ZNF555: variants seen among roughly 807,000 people sequenced by gnomAD.
ZNF555 encodes zinc finger protein 555.
Under a neutral mutation model 14.0 loss-of-function variants are expected in ZNF555, and 10 were observed. The observed-to-expected ratio is 0.72, with a 90% confidence interval of 0.44 to 1.21. ZNF555 has a LOEUF of 1.21. ZNF555 is among the 50% of genes most tolerant of loss of function. The pLI is 0.00. For missense variants in ZNF555, 747 were observed against 762.0 expected, an observed-to-expected ratio of 0.98 and a Z score of 0.23; for synonymous variants, 277 against 262.4, an observed-to-expected ratio of 1.06 and a Z score of -0.54.
Position 2,846,493 on chromosome 19 carries a change from C to G in ZNF555, c.4-4094C>G, listed in dbSNP as rs114929442. Among the ~76,000 whole-genome samples the G allele has an allele frequency of 9.5e-3, 1,441 of 152,334 alleles. 26 individuals are homozygous for G. Among genetic ancestry groups the G allele is most frequent in the African/African-American group, 0.032 (1,342 of 41,562 alleles). On this transcript the variant is annotated intron_variant, in intron 1 of 3. Transcript: ENST00000334241. Reference sequence around the variant, plus strand: ...AGTTCAGGGCCTTACCCGGGAGTGTCTAACTCTGCAGTGTTTCCTGAATTA... The same window carrying G: ...AGTTCAGGGCCTTACCCGGGAGTGTGTAACTCTGCAGTGTTTCCTGAATTA...
intron 1 of ZNF555, 33 bp downstream of exon 1, chr19:2,841,608 G>GTTT: frequency 6.6e-7 from 1 of 1,503,978 alleles, no homozygotes; most frequent in Non-Finnish European, 8.9e-7. Context: ...TCCCGGTGCG[G>GTTT]GGCAGCAGGA....
chr19:2,846,083 G>A (rs533231185), intron 1 of ZNF555, among the ~76,000 whole-genome samples: 8 of 152,310 alleles, frequency 5.3e-5, no homozygotes, highest in African/African-American at 1.9e-4. Flanking sequence ...CCTGTCCTAG[G>A]GTTCTCAGTG....
In ZNF555 at chr19:2,859,608, C is replaced by T. The variant is rs2087714799; in HGVS notation, c.*5656C>T. ...CTCAGTCTTAGAATATGAGCCGTGT[C>T]AGGGGCTACAGCATCATCACTCTTG... On this transcript the variant is annotated 3_prime_UTR_variant, in exon 4 of 4. Transcript: ENST00000334241. 1 of 152,192 alleles carries T rather than the reference C, an allele frequency of 6.6e-6. No homozygotes were observed. Among genetic ancestry groups the T allele is most frequent in the Non-Finnish European group, 1.5e-5 (1 of 68,092 alleles). 9.4% of individuals were successfully genotyped at this position (152,192 alleles called of 1,614,324 possible). A position where few individuals can be genotyped will look rare whatever the true frequency, so the allele number is the denominator to read the frequency against.
At chr19:2,846,783 C>T (rs778159473) in intron 1 of ZNF555, among the ~76,000 whole-genome samples, 2 of 152,132 alleles carry the variant, frequency 1.3e-5, no homozygotes, top group Non-Finnish European at 2.9e-5. Flanking sequence ...CTTTTGGTCT[C>T]GTGAATCTTA....
Position 2,852,968 on chromosome 19 carries a change from A to G in ZNF555, c.903A>G (p.Arg301=), listed in dbSNP as rs769049455. The stretch of plus-strand genomic sequence containing the variant: ...TTAGTTATTCCTCAACTTTTCGAAG[A>G]CATATGATTTCACACACTGGAGAGA... ...EAFSYSSTFR[R]HMISHTGEKP... Residue 301 remains arginine, a synonymous_variant, in exon 4 of 4, where the codon AGA becomes AGG. Coordinates refer to ENST00000334241, the MANE Select transcript of ZNF555 (RefSeq NM_152791.5). 4 of 1,614,242 alleles carry G rather than the reference A, an allele frequency of 2.5e-6. No homozygotes were observed. Among genetic ancestry groups the G allele is most frequent in the South Asian group, 1.1e-5 (1 of 91,084 alleles).
chr19:2,851,875 G>A (rs140501578), intron 3 of ZNF555, among the ~76,000 whole-genome samples: 1 of 152,214 alleles, frequency 6.6e-6, no homozygotes, highest in East Asian at 1.9e-4. Flanking sequence ...CCTAGGCCAG[G>A]TACGGTGGCT....
chr19:2,842,277 A>G (rs754657334), intron 1 of ZNF555, among the ~76,000 whole-genome samples: 16 of 152,172 alleles, frequency 1.1e-4, no homozygotes, highest in Non-Finnish European at 2.4e-4. Context: ...TCTGACCCCA[A>G]GATGCCTGGG....
At chr19:2,848,009 C>A (rs1244950429) in intron 1 of ZNF555, among the ~76,000 whole-genome samples, 2 of 152,158 alleles carry the variant, frequency 1.3e-5, no homozygotes, top group African/African-American at 2.4e-5. Flanking sequence ...TGTGCTCCAG[C>A]CTTGGTAATT....
rs180799922 is a variant in ZNF555 at position 2,857,821 on chromosome 19, G to C, written c.*3869G>C. On this transcript the variant is annotated 3_prime_UTR_variant, in exon 4 of 4. Coordinates refer to ENST00000334241, the MANE Select transcript of ZNF555 (RefSeq NM_152791.5). The stretch of plus-strand genomic sequence containing the variant: ...TCATGCACTGCACTCTACACTGGGC[G>C]ACAGAGCAAGACCCTGTCTCAAAAA... 1 of 152,060 alleles carries C rather than the reference G, an allele frequency of 6.6e-6. No homozygotes were observed. Among genetic ancestry groups the C allele is most frequent in the Non-Finnish European group, 1.5e-5 (1 of 68,062 alleles). 9.4% of individuals were successfully genotyped at this position (152,060 alleles called of 1,614,324 possible). A position where few individuals can be genotyped will look rare whatever the true frequency, so the allele number is the denominator to read the frequency against.
At chr19:2,848,968 A>G (rs2087605381) in intron 1 of ZNF555, among the ~76,000 whole-genome samples, 2 of 152,324 alleles carry the variant, frequency 1.3e-5, no homozygotes, top group African/African-American at 2.4e-5. Flanking sequence ...GATAGAGTCT[A>G]AGGCCCGCAA....
intron 1 of ZNF555, among the ~76,000 whole-genome samples, chr19:2,846,619 G>A (rs1335517790): frequency 6.6e-6 from 1 of 152,220 alleles, no homozygotes; most frequent in Non-Finnish European, 1.5e-5. Context: ...GGCAGTGTCA[G>A]GTTTTAGCTT....
rs2087656593 is a variant in ZNF555, at chr19:2,853,560, A to G, written c.1495A>G (p.Met499Val). The change falls in exon 4 of 4, where the codon ATG becomes GTG. Residue 499 changes from methionine to valine, a missense_variant. Transcript: ENST00000334241. ...FYCHISLQKH[M>V]RRHTAEKLYK... ...TTGCCACATATCCTTACAAAAACAT[A>G]TGAGAAGACATACCGCAGAGAAACT... 3.7e-6 allele frequency: 6 copies of G among 1,610,838 alleles called. No individual in the cohort carries two copies. Among genetic ancestry groups the G allele is most frequent in the Non-Finnish European group, 5.1e-6 (6 of 1,177,680 alleles).
Position 2,857,412 on chromosome 19 carries a change from T to C in ZNF555, c.*3460T>C, listed in dbSNP as rs1301927872. The C allele has an allele frequency of 6.6e-6, 1 of 152,212 alleles. No homozygotes were observed. The allele number at this position is 152,212 out of a possible 1,614,324, so 9.4% of individuals were successfully genotyped here. A position where few individuals can be genotyped will look rare whatever the true frequency, so the allele number is the denominator to read the frequency against. ...TTAGAACACTGGAAAGCAAGTATAATTAATTTTACAAATAGGGCATCAAAT... is the reference window on the plus strand; with the variant it reads ...TTAGAACACTGGAAAGCAAGTATAACTAATTTTACAAATAGGGCATCAAAT... On this transcript the variant is annotated 3_prime_UTR_variant, in exon 4 of 4. Transcript: ENST00000334241.
chr19:2,841,487 A>G lies in ZNF555; in HGVS notation c.-86A>G. On this transcript the variant is annotated 5_prime_UTR_variant, in exon 1 of 4. Coordinates refer to ENST00000334241, the MANE Select transcript of ZNF555 (RefSeq NM_152791.5). Reference sequence around the variant, plus strand: ...ACGGGACGCCTCTGTCCTAGCCGTGAGTGCCCCGCCTGCCCCTAGCGGTCC... The same window carrying G: ...ACGGGACGCCTCTGTCCTAGCCGTGGGTGCCCCGCCTGCCCCTAGCGGTCC... 1.3e-6 allele frequency: 2 copies of G among 1,538,892 alleles called. No individual in the cohort carries two copies. Among genetic ancestry groups the G allele is most frequent in the Non-Finnish European group, 1.8e-6 (2 of 1,139,628 alleles).
At position 2,852,788 on chromosome 19, in the gene ZNF555, A is replaced by G. The variant is rs772415510; in HGVS notation, c.723A>G (p.Ser241=). 1 of 1,614,162 alleles carries G rather than the reference A, an allele frequency of 6.2e-7. No homozygotes were observed. The highest frequency in any genetic ancestry group is 2.2e-5 in the East Asian group (1 of 44,888). The part of the protein sequence containing the change: ...KQCGKAFIDF[S]SLTSHLRSHT... ...GTGGGAAAGCCTTTATTGACTTCTC[A>G]AGTCTTACTAGTCATCTCAGAAGTC... Residue 241 remains serine, a synonymous_variant, in exon 4 of 4, where the codon TCA becomes TCG. Coordinates refer to ENST00000334241, the MANE Select transcript of ZNF555 (RefSeq NM_152791.5).
At chr19:2,842,936 G>A (rs974615538) in intron 1 of ZNF555, among the ~76,000 whole-genome samples, 2 of 152,038 alleles carry the variant, frequency 1.3e-5, no homozygotes, top group South Asian at 4.1e-4. Context: ...CCAGCTACTC[G>A]GGAGGCTGAG....
chr19:2,841,874 C>T (rs1176233925), intron 1 of ZNF555, among the ~76,000 whole-genome samples: 1 of 151,670 alleles, frequency 6.6e-6, no homozygotes, highest in African/African-American at 2.4e-5. Flanking sequence ...CCTGCGCTCC[C>T]GACCCCCCAC....
At chr19:2,841,642 G>A in intron 1 of ZNF555, 67 bp downstream of exon 1, 1 of 1,437,642 alleles carries the variant, frequency 7.0e-7, no homozygotes, top group Non-Finnish European at 9.2e-7. Context: ...CGAGACCGCG[G>A]CTTGGGGGGA....
At chr19:2,851,232 G>A (rs1249553237) in intron 2 of ZNF555, among the ~76,000 whole-genome samples, 1 of 151,840 alleles carries the variant, frequency 6.6e-6, no homozygotes, top group South Asian at 2.1e-4. Context: ...TCCTGACGTT[G>A]TGATCCACCC....
Sources: allele counts gnomAD v4.1 joint callset (sites outside exome capture counted in the v4.1 genomes callset), GRCh38; gene constraint gnomAD v4.1.1; transcripts MANE v1.5; gene names NCBI Gene and HGNC (gene_info 2026-07-23, HGNC 2026-07-21).